ARHGAP42: variants seen among roughly 807,000 people sequenced by gnomAD.
The protein encoded by ARHGAP42 is Rho GTPase activating protein 42.
A neutral mutation model predicts 125.0 loss-of-function variants in ARHGAP42; 63 were observed. The observed-to-expected ratio is 0.50, with a 90% CI of 0.41 to 0.62. The LOEUF is 0.62. ARHGAP42 is among the 20% of genes least tolerant of loss of function. ARHGAP42 has a pLI of 0.00. For synonymous variants in ARHGAP42, 339 were observed against 351.0 expected, an observed-to-expected ratio of 0.97 and a Z score of 0.38; for missense variants, 766 against 1,024.2, an observed-to-expected ratio of 0.75 and a Z score of 3.44.
intron 4 of ARHGAP42, among the ~76,000 whole-genome samples, chr11:100,890,175 A>G (rs1206846379): frequency 1.3e-5 from 2 of 152,180 alleles, no homozygotes; most frequent in East Asian, 1.9e-4. Flanking sequence ...AGGCAGCCAC[A>G]TCTTTTGAAG....
intron 1 of ARHGAP42, among the ~76,000 whole-genome samples, chr11:100,752,840 A>C (rs1264573340): frequency 6.6e-6 from 1 of 152,246 alleles, no homozygotes; most frequent in Non-Finnish European, 1.5e-5. Context: ...TAGCTCATGC[A>C]CAAGTTTTCT....
chr11:100,872,652 C>G (rs1165333000), intron 4 of ARHGAP42, among the ~76,000 whole-genome samples: 1 of 152,104 alleles, frequency 6.6e-6, no homozygotes, highest in Non-Finnish European at 1.5e-5. Context: ...CTCAGCCTCC[C>G]AAAGTGCTGA....
chr11:100,975,781 G>T (rs1858374063), intron 19 of ARHGAP42, among the ~76,000 whole-genome samples: 1 of 152,144 alleles, frequency 6.6e-6, no homozygotes, highest in Admixed American at 6.5e-5. Flanking sequence ...TATGCTTCAA[G>T]AAGTAAAGTT....
At position 100,901,903 on chromosome 11, in the gene ARHGAP42, G is replaced by A. The variant is rs1183874976; in HGVS notation, c.385-11549G>A. Reference sequence around the variant, plus strand: ...GCAATGCCCTGCCCTGCTTTGGCTCGCCCTCTGTGGGCGGCACCCACCATC... The same window carrying A: ...GCAATGCCCTGCCCTGCTTTGGCTCACCCTCTGTGGGCGGCACCCACCATC... On this transcript the variant is annotated intron_variant, in intron 4 of 23. Transcript: ENST00000298815. Among the ~76,000 whole-genome samples, 5 of 152,284 alleles carry A rather than the reference G, an allele frequency of 3.3e-5. 1 individual carries two copies. The highest frequency in any genetic ancestry group is 6.5e-5 in the Admixed American group (1 of 15,302).
intron 1 of ARHGAP42, among the ~76,000 whole-genome samples, chr11:100,768,815 TAACTC>T (rs1036008695): frequency 3.7e-4 from 56 of 152,328 alleles, no homozygotes; most frequent in African/African-American, 1.3e-3. Context: ...TTGCAAATAT[TAACTC>T]ATATAATCCT....
chr11:100,910,220 C>T (rs1226277794), intron 4 of ARHGAP42, among the ~76,000 whole-genome samples: 2 of 152,166 alleles, frequency 1.3e-5, no homozygotes, highest in Non-Finnish European at 2.9e-5. Context: ...TGTCTCCTCT[C>T]TCTGTCTCTC....
At chr11:100,782,354 T>A (rs1180019003) in intron 2 of ARHGAP42, among the ~76,000 whole-genome samples, 3 of 152,228 alleles carry the variant, frequency 2.0e-5, no homozygotes, top group Non-Finnish European at 4.4e-5. Flanking sequence ...GAACACTTTT[T>A]AAAATGTGAA....
intron 7 of ARHGAP42, among the ~76,000 whole-genome samples, chr11:100,935,877 C>T (rs540379241): frequency 1.3e-5 from 2 of 152,166 alleles, no homozygotes; most frequent in African/African-American, 4.8e-5. Flanking sequence ...GTGGCTCACA[C>T]CTGTAATCCC....
chr11:100,831,288 A>G (rs370479282), intron 3 of ARHGAP42, among the ~76,000 whole-genome samples: 5 of 152,172 alleles, frequency 3.3e-5, no homozygotes, highest in African/African-American at 1.2e-4. Context: ...AAACATCATC[A>G]TTAGGTTATT....
intron 6 of ARHGAP42, among the ~76,000 whole-genome samples, chr11:100,930,892 C>T (rs2135257538): frequency 6.6e-6 from 1 of 152,234 alleles, no homozygotes; most frequent in African/African-American, 2.4e-5. Context: ...CTCCAGATGT[C>T]TAATCTTTTG....
At chr11:100,828,168 G>A (rs1036053027) in intron 3 of ARHGAP42, among the ~76,000 whole-genome samples, 4 of 151,830 alleles carry the variant, frequency 2.6e-5, no homozygotes, top group African/African-American at 4.8e-5. Flanking sequence ...CTCACTTGCC[G>A]CTAAGTGCTG....
intron 2 of ARHGAP42, among the ~76,000 whole-genome samples, chr11:100,779,895 G>A (rs911394053): frequency 1.5e-4 from 22 of 151,458 alleles, no homozygotes; most frequent in Admixed American, 2.6e-4. Flanking sequence ...GCATGGTGGC[G>A]CGTGCCTGTT....
intron 3 of ARHGAP42, among the ~76,000 whole-genome samples, chr11:100,797,727 T>C (rs1210789084): frequency 6.6e-6 from 1 of 152,240 alleles, no homozygotes; most frequent in Non-Finnish European, 1.5e-5. Flanking sequence ...ACAACATTCA[T>C]TCTGCAGCCC....
chr11:100,817,879 G>A (rs1360345390), intron 3 of ARHGAP42, among the ~76,000 whole-genome samples: 4 of 152,208 alleles, frequency 2.6e-5, no homozygotes, highest in Non-Finnish European at 4.4e-5. Context: ...ATTGCGTGAA[G>A]TGTTGGTGAT....
At position 100,921,571 on chromosome 11, in the gene ARHGAP42, C is replaced by A; in HGVS notation, c.564C>A (p.Val188=). The A allele has an allele frequency of 6.5e-7, 1 of 1,540,860 alleles. No homozygotes were observed. Among genetic ancestry groups the A allele is most frequent in the South Asian group, 1.2e-5 (1 of 82,034 alleles). Residue 188 remains valine (V), a synonymous_variant, in exon 6 of 24, where the codon GTC becomes GTA. Transcript: ENST00000298815. The stretch of plus-strand genomic sequence containing the variant: ...AATATGTCTTTAAAATTCAAGAGGT[C>A]CAAGAAAAAAAGAAGTTTGAATTTG... ...SLEYVFKIQE[V]QEKKKFEFVE...
intron 1 of ARHGAP42, among the ~76,000 whole-genome samples, chr11:100,753,628 C>T (rs1020336906): frequency 6.6e-6 from 1 of 152,178 alleles, no homozygotes; most frequent in Non-Finnish European, 1.5e-5. Flanking sequence ...TGTGAGGTCC[C>T]CTGTCAGTTA....
In ARHGAP42 at chr11:100,913,694, T is replaced by C. The variant is rs935338259; in HGVS notation, c.486+141T>C. ...ATGGCTAAATTAATTGAGCACTTAC[T>C]ATGGGCGATACTTTAAACACATTAT... On this transcript the variant is annotated intron_variant, in intron 5 of 23. Transcript: ENST00000298815. 3.4e-4 allele frequency: 120 copies of C among 353,828 alleles called. 4 individuals carry two copies. The highest frequency in any genetic ancestry group is 2.3e-3 in the South Asian group (93 of 40,610). The allele number at this position is 353,828 out of a possible 1,614,324, so 21.9% of individuals were successfully genotyped here. A position where few individuals can be genotyped will look rare whatever the true frequency, so the allele number is the denominator to read the frequency against.
intron 2 of ARHGAP42, among the ~76,000 whole-genome samples, chr11:100,790,504 A>G (rs1388889459): frequency 6.6e-6 from 1 of 152,236 alleles, no homozygotes; most frequent in Non-Finnish European, 1.5e-5. Context: ...CCAGTTGGAC[A>G]GGAAGGGAGA....
Position 100,948,493 on chromosome 11 carries a change from T to C in ARHGAP42, c.1080T>C (p.Ala360=). The C allele has an allele frequency of 6.5e-7, 1 of 1,550,218 alleles. No homozygotes were observed. The highest frequency in any genetic ancestry group is 8.7e-7 in the Non-Finnish European group (1 of 1,145,964). Residue 360 remains alanine (A), a synonymous_variant, in exon 11 of 24, where the codon GCT becomes GCC. Coordinates refer to ENST00000298815, the MANE Select transcript of ARHGAP42 (RefSeq NM_152432.4). ...TCACGTTACAGGCCTTCTCAGAAGC[T>C]AATAGGAAACTCTGGCTTGAAGCCA... is the stretch of plus-strand genomic sequence containing the variant. The part of the protein sequence containing the change: ...GIITLQAFSE[A]NRKLWLEAMD...
Sources: gnomAD v4.1 joint callset for allele counts (sites outside exome capture counted in the v4.1 genomes callset) on GRCh38, gnomAD v4.1.1 for gene constraint, MANE v1.5 for transcripts, NCBI Gene and HGNC (gene_info 2026-07-23, HGNC 2026-07-21) for gene names.